Variants in CASTOR2 observed in about 807,000 individuals in gnomAD.
The protein encoded by CASTOR2 is cytosolic arginine sensor for mTORC1 subunit 2, also known as GATS protein like 2.
Under a neutral mutation model 31.2 loss-of-function variants are expected in CASTOR2, and 8 were observed. The observed-to-expected ratio is 0.26, with a 90% CI of 0.15 to 0.46. CASTOR2 has a LOEUF of 0.46. CASTOR2 is among the 20% of genes least tolerant of loss of function. The probability of loss-of-function intolerance (pLI) is 0.99; values close to 1 mark genes in which losing one functional copy is unlikely to be tolerated. For missense variants in CASTOR2, 216 were observed against 382.1 expected (o/e 0.57, Z 3.62); for synonymous variants, 162 against 158.7 (o/e 1.02, Z -0.16).
chr7:75,012,237 T>C (rs1455322667), intron 2 of CASTOR2, among the ~76,000 whole-genome samples: 12 of 152,268 alleles, frequency 7.9e-5, no homozygotes, highest in African/African-American at 2.9e-4. Context: ...GGCTGCAGTA[T>C]GAGGCTAGGA....
In CASTOR2 at chr7:75,024,940, A is replaced by T; in HGVS notation, c.*241A>T. On this transcript the variant is annotated 3_prime_UTR_variant, in exon 9 of 9. Coordinates refer to ENST00000616305, the MANE Select transcript of CASTOR2 (RefSeq NM_001145064.3). The stretch of plus-strand genomic sequence containing the variant: ...CCAGAGAACGACCTTTCTCTTCCCT[A>T]CCTCCCCCACCCCGGAAAATGCTTT... 1 of 880,830 alleles carries T rather than the reference A, an allele frequency of 1.1e-6. No individual in the cohort carries two copies. The highest frequency in any genetic ancestry group is 1.7e-6 in the Non-Finnish European group (1 of 579,034). The allele number at this position is 880,830 out of a possible 1,614,324, so 54.6% of individuals were successfully genotyped here. A position where few individuals can be genotyped will look rare whatever the true frequency, so the allele number is the denominator to read the frequency against.
In CASTOR2 at chr7:75,007,995, T is replaced by C; in HGVS notation, c.115T>C (p.Cys39Arg). 2 of 1,613,884 alleles carry C rather than the reference T, an allele frequency of 1.2e-6. No individual in the cohort carries two copies. The highest frequency in any genetic ancestry group is 1.7e-6 in the Non-Finnish European group (2 of 1,179,854). ...TTCTGTGTCTGTCCATCCATCCAGGTGCAAGTTCTTCAGTCTGACTGAGAC... is the reference window on the plus strand; with the variant it reads ...TTCTGTGTCTGTCCATCCATCCAGGCGCAAGTTCTTCAGTCTGACTGAGAC... ...KLAFLSSKTR[C>R]KFFSLTETPE... Residue 39 changes from cysteine (C) to arginine (R), a missense_variant and splice_region_variant, in exon 2 of 9, where the codon TGC (cysteine) becomes CGC (arginine). Coordinates refer to ENST00000616305, the MANE Select transcript of CASTOR2 (RefSeq NM_001145064.3).
intron 1 of CASTOR2, among the ~76,000 whole-genome samples, chr7:74,996,979 C>G: frequency 6.6e-6 from 1 of 151,006 alleles, no homozygotes. Context: ...AGGTGAACCA[C>G]CCCCCTCGGC....
chr7:75,024,624 C>A lies in CASTOR2; in HGVS notation c.925-10C>A, dbSNP rs1051136633. On this transcript the variant is annotated splice_polypyrimidine_tract_variant and intron_variant, in intron 8 of 8. Transcript: ENST00000616305. ...ACGGGCAGGCATCTGCCTCCTCTACCCCTGCACAGGTCCCCGAAGAGAACA... is the reference window on the plus strand; with the variant it reads ...ACGGGCAGGCATCTGCCTCCTCTACACCTGCACAGGTCCCCGAAGAGAACA... 3.4e-4 allele frequency: 522 copies of A among 1,551,566 alleles called. 2 individuals carry two copies. Among genetic ancestry groups the A allele is most frequent in the Middle Eastern group, 1.3e-3 (8 of 5,986 alleles).
At chr7:74,974,383 G>C (rs1229061828) in intron 1 of CASTOR2, among the ~76,000 whole-genome samples, 2 of 150,258 alleles carry the variant, frequency 1.3e-5, no homozygotes, top group Non-Finnish European at 3.0e-5. Flanking sequence ...GAAAAGACGT[G>C]AGTCCTGTAT....
intron 1 of CASTOR2, among the ~76,000 whole-genome samples, chr7:74,997,948 C>T (rs1554438068): frequency 1.3e-5 from 2 of 152,030 alleles, no homozygotes; most frequent in Admixed American, 1.3e-4. Context: ...GGCGTCTGGG[C>T]TGTGGCCAGG....
intron 7 of CASTOR2, among the ~76,000 whole-genome samples, chr7:75,023,941 G>A (rs1172961785): frequency 4.6e-5 from 7 of 152,252 alleles, no homozygotes; most frequent in Non-Finnish European, 8.8e-5. Context: ...ACTGGCCAGC[G>A]ACCAGAGAAG....
chr7:75,017,176 C>T (rs1168742830), intron 2 of CASTOR2, among the ~76,000 whole-genome samples: 3 of 151,750 alleles, frequency 2.0e-5, no homozygotes, highest in East Asian at 3.9e-4. Flanking sequence ...CGGCTGGGTG[C>T]GGTGGCTCAC....
intron 1 of CASTOR2, among the ~76,000 whole-genome samples, chr7:74,995,530 G>A (rs1371938019): frequency 3.1e-5 from 1 of 32,590 alleles, no homozygotes; most frequent in Admixed American, 3.1e-4. Context: ...AAAAAAGGCC[G>A]GGTGCGGTGG....
At chr7:75,008,155 TCCTTATTTCTGCC>T (rs1804646824) in intron 2 of CASTOR2, 91 bp downstream of exon 2, 2 of 1,495,114 alleles carry the variant, frequency 1.3e-6, no homozygotes, top group African/African-American at 2.8e-5. Flanking sequence ...CCCGCCCACC[TCCTTATTTCTGCC>T]CCCACCTACC....
intron 2 of CASTOR2, among the ~76,000 whole-genome samples, chr7:75,011,851 C>A (rs1268882970): frequency 1.3e-5 from 2 of 151,626 alleles, no homozygotes; most frequent in Non-Finnish European, 2.9e-5. Context: ...CCTGTAATCC[C>A]AGCTACTCGG....
intron 7 of CASTOR2, among the ~76,000 whole-genome samples, chr7:75,023,175 G>A (rs1208917326): frequency 6.6e-6 from 1 of 152,124 alleles, no homozygotes; most frequent in Non-Finnish European, 1.5e-5. Flanking sequence ...GGTCGTGGTG[G>A]CAGGCGCCTG....
At chr7:74,990,801 G>A (rs1804190798) in intron 1 of CASTOR2, among the ~76,000 whole-genome samples, 1 of 152,248 alleles carries the variant, frequency 6.6e-6, no homozygotes, top group Admixed American at 6.5e-5. Context: ...GTTGCAGGGA[G>A]CTGAGATCGT....
At chr7:74,994,953 G>C (rs1554437747) in intron 1 of CASTOR2, among the ~76,000 whole-genome samples, 1 of 152,110 alleles carries the variant, frequency 6.6e-6, no homozygotes, top group Non-Finnish European at 1.5e-5. Context: ...GGAAGCAGAG[G>C]ACTGTCAGTG....
In CASTOR2 at chr7:75,029,003, C is replaced by T. The variant is rs900836783; in HGVS notation, c.*4304C>T. 9.2e-5 allele frequency among the ~76,000 whole-genome samples: 14 copies of T among 152,120 alleles called. No homozygotes were observed. The highest frequency in any genetic ancestry group is 3.4e-4 in the African/African-American group (14 of 41,390). On this transcript the variant is annotated 3_prime_UTR_variant, in exon 9 of 9. Coordinates refer to ENST00000616305, the MANE Select transcript of CASTOR2 (RefSeq NM_001145064.3). ...CCAGTGTGGCCTCCGGAAGCAGCAG[C>T]GTAGCCAGGGTGACATTTGTTCAGC...
chr7:74,979,344 C>T lies in CASTOR2; in HGVS notation c.113+14246C>T, dbSNP rs1293467461. On this transcript the variant is annotated intron_variant, in intron 1 of 8. Transcript: ENST00000616305. Reference sequence around the variant, plus strand: ...AAGTAATTTTTTTAACCTTCCTCCCCTTCCCAACCTCCCCTCTATTGGAAT... The same window carrying T: ...AAGTAATTTTTTTAACCTTCCTCCCTTTCCCAACCTCCCCTCTATTGGAAT... Among the ~76,000 whole-genome samples, 5 of 147,958 alleles carry T rather than the reference C, an allele frequency of 3.4e-5. No individual in the cohort carries two copies. The Admixed American group carries it at 3.4e-4, about 10-fold the overall frequency.
At chr7:75,009,114 G>A (rs1170072742) in intron 2 of CASTOR2, among the ~76,000 whole-genome samples, 128 of 151,618 alleles carry the variant, frequency 8.4e-4, no homozygotes, top group South Asian at 1.9e-3. Flanking sequence ...CCGCCGCCAC[G>A]CCCGGCTAAT....
At chr7:75,019,305 G>A (rs1353115599) in intron 5 of CASTOR2, among the ~76,000 whole-genome samples, 1 of 152,034 alleles carries the variant, frequency 6.6e-6, no homozygotes, top group Non-Finnish European at 1.5e-5. Context: ...CCCGGAGCTA[G>A]TCTGAGGTAG....
intron 2 of CASTOR2, among the ~76,000 whole-genome samples, chr7:75,012,138 T>C (rs1389827186): frequency 1.3e-5 from 2 of 151,948 alleles, no homozygotes; most frequent in Admixed American, 6.6e-5. Flanking sequence ...CGGAAAGTAA[T>C]GTGAGAAGAT....
Sources: gnomAD v4.1 joint callset for allele counts (sites outside exome capture counted in the v4.1 genomes callset) on GRCh38, gnomAD v4.1.1 for gene constraint, MANE v1.5 for transcripts, NCBI Gene and HGNC (gene_info 2026-07-23, HGNC 2026-07-21) for gene names.